Variants in RIOK1 observed in about 807,000 individuals in gnomAD.
RIOK1 encodes the protein RIO kinase 1, also known as serine/threonine-protein kinase RIO1.
In RIOK1, 66 loss-of-function variants were observed where a neutral mutation model predicts 73.5. That is an observed-to-expected ratio of 0.90 (90% confidence interval 0.74 to 1.10). RIOK1 has a LOEUF of 1.10. RIOK1 is among the 50% of genes least tolerant of loss of function. The pLI is 0.00. For synonymous variants in RIOK1, 224 were observed against 226.8 expected (o/e 0.99, Z 0.11); for missense variants, 658 against 699.8 (o/e 0.94, Z 0.67).
chr6:7,398,227 T>A (rs1761524201), intron 4 of RIOK1, among the ~76,000 whole-genome samples: 1 of 151,906 alleles, frequency 6.6e-6, no homozygotes, highest in African/African-American at 2.4e-5. Context: ...AATGACTAAC[T>A]CTATGTGGAG....
chr6:7,412,930 A>G lies in RIOK1; in HGVS notation c.1431A>G (p.Ser477=). 6.4e-7 allele frequency: 1 copy of G among 1,563,288 alleles called. No homozygotes were observed. The highest frequency in any genetic ancestry group is 8.6e-7 in the Non-Finnish European group (1 of 1,158,514). Residue 477 remains serine (S), a synonymous_variant, in exon 15 of 17, where the codon TCA becomes TCG. Transcript: ENST00000379834. ...QTVTGLKKDL[S]GVQKVPALLE... Reference sequence around the variant, plus strand: ...TTACAGGATTGAAGAAAGATTTGTCAGGAGTTCAGAAGGTATGAAGAACAT... The same window carrying G: ...TTACAGGATTGAAGAAAGATTTGTCGGGAGTTCAGAAGGTATGAAGAACAT...
chr6:7,390,904 G>A (rs1218157598), intron 1 of RIOK1, among the ~76,000 whole-genome samples: 1 of 152,122 alleles, frequency 6.6e-6, no homozygotes, highest in Non-Finnish European at 1.5e-5. Context: ...CATGGAGGGT[G>A]GGAGTGGAAC....
At chr6:7,405,952 TTC>T (rs1320494033) in intron 12 of RIOK1, among the ~76,000 whole-genome samples, 2 of 151,534 alleles carry the variant, frequency 1.3e-5, no homozygotes, top group Admixed American at 6.6e-5. Flanking sequence ...TCAGGGGCCT[TTC>T]TCTTTTTTTC....
intron 12 of RIOK1, among the ~76,000 whole-genome samples, chr6:7,409,215 GT>G: frequency 5.2e-4 from 1 of 1,926 alleles, no homozygotes; most frequent in Admixed American, 6.0e-3. Context: ...CCGACTAATT[GT>G]GTGTGTGTGT....
intron 16 of RIOK1, 66 bp from the exon 17 acceptor site, chr6:7,417,265 A>T (rs1237038114): frequency 3.5e-6 from 4 of 1,139,168 alleles, no homozygotes; most frequent in Non-Finnish European, 5.0e-6. Flanking sequence ...CAAAAAACAA[A>T]AAACAAAAAC....
chr6:7,411,320 CCT>C lies in RIOK1; in HGVS notation c.1270-7_1270-6del, dbSNP rs756248072. On this transcript the variant is annotated splice_polypyrimidine_tract_variant and intron_variant, in intron 13 of 16. Transcript: ENST00000379834. Reference sequence around the variant, plus strand: ...GAATAACAGTTTTGATTTTGCTTTTCCTCTCTGTTAGGTGTTTAAGCGAGCAT... The same window carrying C: ...GAATAACAGTTTTGATTTTGCTTTTCCTCTGTTAGGTGTTTAAGCGAGCAT... 2.5e-6 allele frequency: 4 copies of C among 1,612,506 alleles called. No individual in the cohort carries two copies. The Admixed American group carries it at 5.0e-5, about 20-fold the overall frequency.
rs74458738 is a variant in RIOK1, at chr6:7,399,831, G to T, written c.480+1091G>T. On this transcript the variant is annotated intron_variant, in intron 5 of 16. Transcript: ENST00000379834. ...TCATTCTTCTCTAGTTGCAATGGTC[G>T]TGATTTGGTTTTTAGTCCTATAGTC... 1.5e-3 allele frequency among the ~76,000 whole-genome samples: 226 copies of T among 152,290 alleles called. 4 individuals are homozygous for T. In the East Asian group the frequency reaches 0.037, roughly 25 times the overall value.
At chr6:7,404,678 G>A in intron 10 of RIOK1, 123 bp downstream of exon 10, 1 of 1,205,956 alleles carries the variant, frequency 8.3e-7, no homozygotes, top group South Asian at 1.4e-5. Context: ...ACTTCCAAAT[G>A]GTATAAGATA....
chr6:7,409,214 TG>T (rs1358073480), intron 12 of RIOK1, among the ~76,000 whole-genome samples: 38 of 1,274 alleles, frequency 0.03, no homozygotes, highest in African/African-American at 0.043. Flanking sequence ...CCCGACTAAT[TG>T]TGTGTGTGTG....
At position 7,411,360 on chromosome 6, in the gene RIOK1, C is replaced by A; in HGVS notation, c.1298C>A (p.Thr433Asn). 6.2e-7 allele frequency: 1 copy of A among 1,613,880 alleles called. No homozygotes were observed. The highest frequency in any genetic ancestry group is 1.1e-5 in the South Asian group (1 of 91,076). ...EVFKRAYIPR[T>N]LNEVKNYERD... ...TTTAAGCGAGCATATATTCCTAGAA[C>A]CTTGAATGAAGTGAAAAATTATGAG... The change falls in exon 14 of 17, where the codon ACC becomes AAC. Residue 433 changes from threonine to asparagine, a missense_variant. Coordinates refer to ENST00000379834, the MANE Select transcript of RIOK1 (RefSeq NM_031480.3).
Position 7,396,725 on chromosome 6 carries a change from C to T in RIOK1, c.390C>T (p.Ser130=), listed in dbSNP as rs200957682. 3.2e-4 allele frequency: 511 copies of T among 1,598,566 alleles called. No homozygotes were observed. Among genetic ancestry groups the T allele is most frequent in the Non-Finnish European group, 3.9e-4 (461 of 1,168,136 alleles). The change falls in exon 4 of 17, where the codon TCC becomes TCT. Residue 130 remains serine, a synonymous_variant. Coordinates refer to ENST00000379834, the MANE Select transcript of RIOK1 (RefSeq NM_031480.3). ...TAGATAAGCTAAATGTTACTGATTC[C>T]GTCATAAATAAAGTCACCGAAAAGT... The part of the protein sequence containing the change: ...INLDKLNVTD[S]VINKVTEKSR...
chr6:7,394,912 T>C, intron 2 of RIOK1, 141 bp from the exon 3 acceptor site: 1 of 1,347,518 alleles, frequency 7.4e-7, no homozygotes, highest in Middle Eastern at 1.8e-4. Flanking sequence ...TTTGAGCCAA[T>C]TTGATTGACT....
At chr6:7,390,771 G>T (rs933686613) in intron 1 of RIOK1, among the ~76,000 whole-genome samples, 3 of 152,362 alleles carry the variant, frequency 2.0e-5, no homozygotes, top group Admixed American at 1.3e-4. Flanking sequence ...CTTTACAAGT[G>T]ATGGTGAAAA....
intron 14 of RIOK1, 21 bp from the exon 15 acceptor site, chr6:7,412,868 T>G (rs1295027200): frequency 1.4e-6 from 2 of 1,401,150 alleles, no homozygotes; most frequent in Admixed American, 2.4e-5. Flanking sequence ...CTTATTTTTT[T>G]TTTTTCATTT....
At chr6:7,403,000 T>A in intron 8 of RIOK1, 103 bp downstream of exon 8, 2 of 908,992 alleles carry the variant, frequency 2.2e-6, no homozygotes, top group South Asian at 1.7e-5. Flanking sequence ...ATGTAGGGAC[T>A]TGTTAGGGCC....
intron 4 of RIOK1, among the ~76,000 whole-genome samples, chr6:7,398,129 G>A (rs900698745): frequency 2.0e-5 from 3 of 152,146 alleles, no homozygotes; most frequent in South Asian, 4.1e-4. Flanking sequence ...GCGACAGAGC[G>A]AGACTCCATC....
At chr6:7,409,722 C>A (rs954565921) in intron 12 of RIOK1, among the ~76,000 whole-genome samples, 5 of 149,864 alleles carry the variant, frequency 3.3e-5, no homozygotes, top group African/African-American at 1.2e-4. Flanking sequence ...CTGCTGGCCT[C>A]ACCTCCCAAA....
chr6:7,405,174 G>T, intron 11 of RIOK1, 75 bp from the exon 12 acceptor site: 1 of 1,093,556 alleles, frequency 9.1e-7, no homozygotes, highest in South Asian at 1.3e-5. Flanking sequence ...TTATCTCCTT[G>T]TTTCTCTATA....
At chr6:7,391,786 CACA>C (rs1761349360) in intron 1 of RIOK1, among the ~76,000 whole-genome samples, 1 of 152,166 alleles carries the variant, frequency 6.6e-6, no homozygotes, top group Middle Eastern at 3.2e-3. Context: ...GACAGTCCCC[CACA>C]ACGAAGAATT....
Sources: allele counts gnomAD v4.1 joint callset (sites outside exome capture counted in the v4.1 genomes callset), GRCh38; gene constraint gnomAD v4.1.1; transcripts MANE v1.5; gene names NCBI Gene and HGNC (gene_info 2026-07-23, HGNC 2026-07-21).